Variants in PCDH15 observed in about 807,000 individuals in gnomAD.
The protein encoded by PCDH15 is protocadherin-15.
Under a neutral mutation model 178.5 loss-of-function variants are expected in PCDH15, and 129 were observed. The ratio of observed to expected loss-of-function variants is 0.72; its 90% CI spans 0.63 to 0.84. PCDH15 has a LOEUF of 0.84. PCDH15 is among the 40% of genes least tolerant of loss of function. The pLI is 0.00. For missense variants in PCDH15, 2,230 were observed against 2,099.9 expected (o/e 1.06, Z -1.21); for synonymous variants, 800 against 732.0 (o/e 1.09, Z -1.50).
chr10:54,642,725 T>G (rs2094020699), intron 2 of PCDH15, among the ~76,000 whole-genome samples: 1 of 152,190 alleles, frequency 6.6e-6, no homozygotes, highest in Non-Finnish European at 1.5e-5. Context: ...TACATTGTTT[T>G]TTATACCTTA....
intron 1 of PCDH15, among the ~76,000 whole-genome samples, chr10:55,224,112 G>T (rs186154031): frequency 6.6e-6 from 1 of 152,026 alleles, no homozygotes; most frequent in African/African-American, 2.4e-5. Context: ...GAGGCAAGGA[G>T]ATCATTTGAG....
chr10:55,170,453 G>A (rs542920032), intron 1 of PCDH15, among the ~76,000 whole-genome samples: 1 of 152,062 alleles, frequency 6.6e-6, no homozygotes, highest in African/African-American at 2.4e-5. Flanking sequence ...CAGCCTTAAA[G>A]GTGTCTTAAA....
chr10:53,849,348 T>C (rs1048186748), intron 28 of PCDH15, among the ~76,000 whole-genome samples: 1 of 152,120 alleles, frequency 6.6e-6, no homozygotes, highest in African/African-American at 2.4e-5. Context: ...TATGTATATA[T>C]ATTTTTTCCA....
intron 1 of PCDH15, among the ~76,000 whole-genome samples, chr10:55,293,530 C>T (rs1843064205): frequency 6.6e-6 from 1 of 152,148 alleles, no homozygotes; most frequent in Non-Finnish European, 1.5e-5. Context: ...CTCTGCTTCC[C>T]TTATAAAACT....
At chr10:54,813,364 G>C (rs969617195) in intron 3 of PCDH15, among the ~76,000 whole-genome samples, 1 of 152,050 alleles carries the variant, frequency 6.6e-6, no homozygotes, top group East Asian at 1.9e-4. Context: ...TCTCCATGTG[G>C]TTATACCAGA....
chr10:54,263,701 A>G lies in PCDH15; in HGVS notation c.877-26770T>C, dbSNP rs183369620. The stretch of plus-strand genomic sequence containing the variant: ...GAAATGAAGCCAATGAATCACATAC[A>G]CCACAGTCATACTTTCAAGGAGAAT... On this transcript the variant is annotated intron_variant, in intron 8 of 37. Coordinates refer to ENST00000644397, the MANE Select transcript of PCDH15 (RefSeq NM_001384140.1). Among the ~76,000 whole-genome samples, 20 of 152,254 alleles carry G rather than the reference A, an allele frequency of 1.3e-4. 1 individual carries two copies. Among genetic ancestry groups the G allele is most frequent in the East Asian group, 1.2e-3 (6 of 5,162 alleles).
At chr10:54,875,794 C>T (rs533756569) in intron 3 of PCDH15, among the ~76,000 whole-genome samples, 8 of 152,180 alleles carry the variant, frequency 5.3e-5, no homozygotes, top group South Asian at 4.2e-4. Flanking sequence ...TTAGTTCTTG[C>T]GGCTTAAAGA....
intron 5 of PCDH15, among the ~76,000 whole-genome samples, chr10:54,354,395 C>T (rs976366359): frequency 2.6e-5 from 4 of 152,178 alleles, no homozygotes; most frequent in East Asian, 3.9e-4. Flanking sequence ...TTAATATGTG[C>T]TTCTTTCACT....
chr10:53,878,092 A>G (rs1362183004), intron 26 of PCDH15, among the ~76,000 whole-genome samples: 2 of 149,836 alleles, frequency 1.3e-5, no homozygotes, highest in Non-Finnish European at 1.5e-5. Flanking sequence ...TCAGGTTTCT[A>G]TTTCTTTGTA....
At chr10:54,219,592 CAAAAAAAA>C (rs763785938) in intron 9 of PCDH15, among the ~76,000 whole-genome samples, 1 of 32,394 alleles carries the variant, frequency 3.1e-5, no homozygotes, top group South Asian at 1.5e-3. Flanking sequence ...GACTCCATCT[CAAAAAAAA>C]AAAAAAAAAA....
At chr10:55,351,973 G>A (rs1389587397) in intron 2 of PCDH15, among the ~76,000 whole-genome samples, 2 of 152,032 alleles carry the variant, frequency 1.3e-5, no homozygotes, top group African/African-American at 4.8e-5. Flanking sequence ...TGCCACTTGT[G>A]GTGCTAAATA....
At position 54,909,368 on chromosome 10, in the gene PCDH15, C is replaced by T. The variant is rs114828618; in HGVS notation, c.-79-11868G>A. Among the ~76,000 whole-genome samples, 930 of 152,158 alleles carry T rather than the reference C, an allele frequency of 6.1e-3. 10 individuals are homozygous for T. The highest frequency in any genetic ancestry group is 0.021 in the African/African-American group (891 of 41,538). ...AGGCCAGTGCAGAGCTTTCCTTAGC[C>T]CCTGTCTCAGCCTCCCTCCCAGGCT... On this transcript the variant is annotated intron_variant, in intron 2 of 5. Transcript: ENST00000458638.
intron 2 of PCDH15, among the ~76,000 whole-genome samples, chr10:55,603,608 G>A (rs1028670461): frequency 6.6e-6 from 1 of 151,456 alleles, no homozygotes; most frequent in South Asian, 2.1e-4. Context: ...TTAAAGAAAA[G>A]AATTTTCAAC....
intron 2 of PCDH15, among the ~76,000 whole-genome samples, chr10:54,614,132 A>G (rs1441788641): frequency 6.6e-6 from 1 of 151,990 alleles, no homozygotes; most frequent in East Asian, 1.9e-4. Context: ...ATGCATATAC[A>G]CTAGACCTAT....
intron 8 of PCDH15, among the ~76,000 whole-genome samples, chr10:54,246,218 G>A (rs1435899335): frequency 4.6e-5 from 7 of 151,866 alleles, no homozygotes; most frequent in Non-Finnish European, 1.5e-5. Context: ...ATCACAGTCT[G>A]ACAAATTATT....
intron 2 of PCDH15, among the ~76,000 whole-genome samples, chr10:54,989,378 C>T (rs529530072): frequency 1.3e-3 from 195 of 152,330 alleles, no homozygotes; most frequent in Middle Eastern, 3.4e-3. Flanking sequence ...ACAGCTTGCA[C>T]TGTGTGCCTG....
intron 1 of PCDH15, among the ~76,000 whole-genome samples, chr10:54,701,323 G>A (rs765202794): frequency 2.9e-4 from 44 of 152,012 alleles, no homozygotes; most frequent in Admixed American, 1.6e-3. Flanking sequence ...AATATGGAAA[G>A]GAAAGACTGT....
intron 21 of PCDH15, among the ~76,000 whole-genome samples, chr10:53,969,212 C>A (rs2089394512): frequency 6.6e-6 from 1 of 152,108 alleles, no homozygotes; most frequent in South Asian, 2.1e-4. Flanking sequence ...CTGAGGCATG[C>A]ACAAGCTTCA....
chr10:55,611,240 G>C (rs1843358689), intron 2 of PCDH15, among the ~76,000 whole-genome samples: 1 of 152,038 alleles, frequency 6.6e-6, no homozygotes, highest in Admixed American at 6.6e-5. Flanking sequence ...CACAGAATGA[G>C]AGAAAATATT....
Sources: gnomAD v4.1 joint callset for allele counts (sites outside exome capture counted in the v4.1 genomes callset) on GRCh38, gnomAD v4.1.1 for gene constraint, MANE v1.5 for transcripts, NCBI Gene and HGNC (gene_info 2026-07-23, HGNC 2026-07-21) for gene names.